Variants in ARNT2 observed in about 807,000 individuals in gnomAD.
ARNT2 encodes the protein ARNT protein 2.
A neutral mutation model predicts 91.7 loss-of-function variants in ARNT2; 36 were observed. That is an observed-to-expected ratio of 0.39 (90% CI 0.30 to 0.52). The LOEUF is 0.52. ARNT2 is among the 20% of genes least tolerant of loss of function. The pLI is 0.72. For synonymous variants in ARNT2, 365 were observed against 347.1 expected, an observed-to-expected ratio of 1.05 and a Z score of -0.57; for missense variants, 775 against 939.3, an observed-to-expected ratio of 0.83 and a Z score of 2.29.
intron 11 of ARNT2, among the ~76,000 whole-genome samples, chr15:80,561,727 A>G (rs187136762): frequency 7.2e-5 from 11 of 152,286 alleles, no homozygotes; most frequent in African/African-American, 2.6e-4. Flanking sequence ...GCCAGTGTAT[A>G]CACACTATGT....
chr15:80,504,011 G>A (rs369779817), intron 5 of ARNT2, among the ~76,000 whole-genome samples: 1 of 152,190 alleles, frequency 6.6e-6, no homozygotes, highest in Non-Finnish European at 1.5e-5. Flanking sequence ...TGACAGAGCC[G>A]GCCCAAGGAG....
chr15:80,516,828 A>AACATATATATATATATATAT lies in ARNT2; in HGVS notation c.877+2424_877+2425insCATATATATATATATATATA, dbSNP rs1555411355. On this transcript the variant is annotated intron_variant, in intron 8 of 18. Transcript: ENST00000303329. Reference sequence around the variant, plus strand: ...TTTACAATTATTATATACAATTACAAATATATATATATATATATATATATA... The same window carrying AACATATATATATATATATAT: ...TTTACAATTATTATATACAATTACAAACATATATATATATATATATATATATATATATATATATATATATA... Among the ~76,000 whole-genome samples the AACATATATATATATATATAT allele has an allele frequency of 3.7e-4, 28 of 74,800 alleles. 1 individual carries two copies. Among genetic ancestry groups the AACATATATATATATATATAT allele is most frequent in the Non-Finnish European group, 6.6e-4 (25 of 37,652 alleles). The allele number at this position is 74,800 out of a possible 152,430, so 49.1% of individuals were successfully genotyped here. A position where few individuals can be genotyped will look rare whatever the true frequency, so the allele number is the denominator to read the frequency against.
At chr15:80,559,622 A>G (rs565211693) in intron 11 of ARNT2, among the ~76,000 whole-genome samples, 1 of 152,276 alleles carries the variant, frequency 6.6e-6, no homozygotes, top group African/African-American at 2.4e-5. Context: ...TTTGAGTTTG[A>G]GGGGGTGAGA....
chr15:80,406,898 A>T (rs1385246981), intron 1 of ARNT2, among the ~76,000 whole-genome samples: 1 of 152,062 alleles, frequency 6.6e-6, no homozygotes, highest in Non-Finnish European at 1.5e-5. Flanking sequence ...CCCCATGTGA[A>T]TCTCCATCTT....
At chr15:80,448,108 A>G (rs902665435) in intron 1 of ARNT2, among the ~76,000 whole-genome samples, 2 of 152,106 alleles carry the variant, frequency 1.3e-5, no homozygotes, top group African/African-American at 4.8e-5. Context: ...GGCTCATCAC[A>G]TACCTTGTCC....
At chr15:80,442,883 G>C in intron 1 of ARNT2, 1 of 985,334 alleles carries the variant, frequency 1.0e-6, no homozygotes, top group Non-Finnish European at 1.2e-6. Flanking sequence ...TTCCCTTTTT[G>C]GGATCTGACG....
Position 80,483,183 on chromosome 15 carries a change from G to A in ARNT2, c.622+7960G>A, listed in dbSNP as rs145206311. Among the ~76,000 whole-genome samples the A allele has an allele frequency of 2.6e-5, 4 of 152,364 alleles. No individual in the cohort carries two copies. In the East Asian group the frequency reaches 5.8e-4, roughly 22 times the overall value. ...AGCTTCTTAGAGATGCAGAATTGCA[G>A]CTCCCATCCCAGGCCTACTGAATCA... On this transcript the variant is annotated intron_variant, in intron 5 of 18. Coordinates refer to ENST00000303329, the MANE Select transcript of ARNT2 (RefSeq NM_014862.4).
rs184485585 is a variant in ARNT2 at position 80,486,998 on chromosome 15, A to G, written c.622+11775A>G. Among the ~76,000 whole-genome samples, 25 of 152,222 alleles carry G rather than the reference A, an allele frequency of 1.6e-4. No homozygotes were observed. The Middle Eastern group carries it at 0.01, about 62-fold the overall frequency. On this transcript the variant is annotated intron_variant, in intron 5 of 18. Coordinates refer to ENST00000303329, the MANE Select transcript of ARNT2 (RefSeq NM_014862.4). The stretch of plus-strand genomic sequence containing the variant: ...GGCTACTGATGCTCACCACTCATCC[A>G]TCTGGAGTAGGCTGAAGCTACCCTA...
intron 1 of ARNT2, among the ~76,000 whole-genome samples, chr15:80,427,237 G>T (rs1299320774): frequency 6.6e-6 from 1 of 152,188 alleles, no homozygotes; most frequent in African/African-American, 2.4e-5. Context: ...GACCACTGGG[G>T]CTGGGGCTGT....
chr15:80,470,574 C>A, intron 4 of ARNT2, 143 bp downstream of exon 4: 1 of 984,976 alleles, frequency 1.0e-6, no homozygotes, highest in Non-Finnish European at 1.5e-6. Flanking sequence ...CTCCAAGAAG[C>A]TGTCTTCAAA....
intron 17 of ARNT2, among the ~76,000 whole-genome samples, chr15:80,584,624 CT>C (rs1372950876): frequency 6.6e-6 from 1 of 152,180 alleles, no homozygotes; most frequent in Non-Finnish European, 1.5e-5. Context: ...ACAAAGCAGG[CT>C]TAAAAAACAG....
intron 5 of ARNT2, among the ~76,000 whole-genome samples, chr15:80,481,030 C>T (rs1046485848): frequency 9.2e-5 from 14 of 152,292 alleles, no homozygotes; most frequent in South Asian, 2.1e-4. Flanking sequence ...CTATTCCAGC[C>T]GGGATTCTTT....
intron 1 of ARNT2, chr15:80,443,023 C>G: frequency 1.0e-6 from 1 of 985,244 alleles, no homozygotes; most frequent in Non-Finnish European, 1.2e-6. Context: ...AGGAGAAGTC[C>G]AGGTACAGTA....
At chr15:80,469,637 T>C (rs576481431) in intron 3 of ARNT2, among the ~76,000 whole-genome samples, 1 of 152,196 alleles carries the variant, frequency 6.6e-6, no homozygotes, top group East Asian at 1.9e-4. Flanking sequence ...TGTATATCCA[T>C]GTACAGATTC....
At chr15:80,503,995 A>G (rs1257706591) in intron 5 of ARNT2, among the ~76,000 whole-genome samples, 1 of 152,236 alleles carries the variant, frequency 6.6e-6, no homozygotes, top group Admixed American at 6.5e-5. Flanking sequence ...TAGTTCTAGC[A>G]CAGCGTGACA....
intron 5 of ARNT2, among the ~76,000 whole-genome samples, chr15:80,497,756 G>A (rs114639240): frequency 6.0e-4 from 91 of 151,026 alleles, no homozygotes; most frequent in African/African-American, 2.2e-3. Flanking sequence ...AGCAGTGTTG[G>A]ATATAGATTT....
intron 1 of ARNT2, among the ~76,000 whole-genome samples, chr15:80,423,714 T>A (rs1042607147): frequency 6.6e-6 from 1 of 151,944 alleles, no homozygotes; most frequent in African/African-American, 2.4e-5. Flanking sequence ...GAATTTGTAG[T>A]GTGGTCAGTG....
Position 80,580,432 on chromosome 15 carries a change from TG to T in ARNT2, c.1637del (p.Gly546GlufsTer2). ...AFSSSVVHVP[G>X]VNDIQSSSST... ...CTAGCTCTTCAGTGGTTCATGTGCC[TG>T]GAGTGAATGATATTCAGTCCTCTTC... is the stretch of plus-strand genomic sequence containing the variant. On this transcript the variant is annotated frameshift_variant, in exon 16 of 19. Coordinates refer to ENST00000303329, the MANE Select transcript of ARNT2 (RefSeq NM_014862.4). LOFTEE classifies it high-confidence loss of function. The T allele has an allele frequency of 6.2e-7, 1 of 1,614,166 alleles. No homozygotes were observed. The highest frequency in any genetic ancestry group is 8.5e-7 in the Non-Finnish European group (1 of 1,180,034).
intron 1 of ARNT2, among the ~76,000 whole-genome samples, chr15:80,424,611 T>C (rs779154938): frequency 6.6e-6 from 1 of 152,184 alleles, no homozygotes; most frequent in Non-Finnish European, 1.5e-5. Flanking sequence ...CATTCTTTTG[T>C]CTGTAATCAT....
Sources: allele counts gnomAD v4.1 joint callset (sites outside exome capture counted in the v4.1 genomes callset), GRCh38; gene constraint gnomAD v4.1.1; transcripts MANE v1.5; gene names NCBI Gene and HGNC (gene_info 2026-07-23, HGNC 2026-07-21).